Variants in PPP1R12B observed in about 807,000 individuals in gnomAD.
PPP1R12B encodes the protein myosin phosphatase target subunit 2.
PPP1R12B carries 76 observed loss-of-function variants against 126.1 expected under a neutral mutation model. The ratio of observed to expected loss-of-function variants is 0.60; its 90% CI spans 0.50 to 0.73. The LOEUF (loss-of-function observed/expected upper bound fraction) is 0.73. PPP1R12B is among the 30% of genes least tolerant of loss of function. PPP1R12B has a pLI of 0.00. For missense variants in PPP1R12B, 1,052 were observed against 1,205.1 expected (o/e 0.87, Z 1.88); for synonymous variants, 356 against 434.7 (o/e 0.82, Z 2.25).
At chr1:202,553,303 G>C (rs1392147123) in intron 18 of PPP1R12B, among the ~76,000 whole-genome samples, 1 of 152,148 alleles carries the variant, frequency 6.6e-6, no homozygotes, top group Non-Finnish European at 1.5e-5. Flanking sequence ...GGCCATAAAA[G>C]CTGTGAAAGT....
At chr1:202,435,336 C>T (rs1415465586) in intron 9 of PPP1R12B, among the ~76,000 whole-genome samples, 1 of 152,128 alleles carries the variant, frequency 6.6e-6, no homozygotes, top group Non-Finnish European at 1.5e-5. Flanking sequence ...TAGTCTGAGA[C>T]CAAAGAGATT....
intron 18 of PPP1R12B, among the ~76,000 whole-genome samples, chr1:202,538,145 C>A (rs1051455938): frequency 3.3e-5 from 5 of 152,196 alleles, no homozygotes; most frequent in African/African-American, 7.2e-5. Flanking sequence ...AGGTGCCCCC[C>A]ACAATGCCTG....
At chr1:202,445,106 A>G (rs962005742) in intron 12 of PPP1R12B, 65 of 1,247,038 alleles carry the variant, frequency 5.2e-5, no homozygotes, top group Non-Finnish European at 6.2e-5. Context: ...ATCGCAATTC[A>G]TCTCCTGCTA....
chr1:202,510,313 C>G (rs1022412710), intron 18 of PPP1R12B, among the ~76,000 whole-genome samples: 9 of 152,160 alleles, frequency 5.9e-5, no homozygotes, highest in African/African-American at 1.9e-4. Flanking sequence ...GTAGCAATCA[C>G]TGGGGTTATT....
chr1:202,576,011 C>T (rs932743843), intron 23 of PPP1R12B: 4 of 152,248 alleles, frequency 2.6e-5, no homozygotes, highest in African/African-American at 9.6e-5. Context: ...CTTCTCCCAC[C>T]TTAGGAGGCA....
intron 2 of PPP1R12B, among the ~76,000 whole-genome samples, chr1:202,418,723 A>G (rs1668401500): frequency 6.6e-6 from 1 of 151,726 alleles, no homozygotes; most frequent in Non-Finnish European, 1.5e-5. Flanking sequence ...TCTTTATTTT[A>G]TTTTTCACTA....
At chr1:202,465,293 A>T in intron 13 of PPP1R12B, among the ~76,000 whole-genome samples, 1 of 152,296 alleles carries the variant, frequency 6.6e-6, no homozygotes, top group Middle Eastern at 3.4e-3. Flanking sequence ...CCAAGGGGTC[A>T]GTCTTCACTG....
At chr1:202,431,684 C>T (rs777156068) in intron 8 of PPP1R12B, 65 bp downstream of exon 8, 30 of 1,471,566 alleles carry the variant, frequency 2.0e-5, no homozygotes, top group Non-Finnish European at 2.6e-5. Flanking sequence ...TACTCCTTGT[C>T]AGAGAGCTAG....
intron 1 of PPP1R12B, among the ~76,000 whole-genome samples, chr1:202,401,278 C>T (rs1045823330): frequency 5.9e-5 from 9 of 151,344 alleles, no homozygotes; most frequent in Non-Finnish European, 1.0e-4. Context: ...CAGTTTTGAC[C>T]TCCTGGGTTT....
At chr1:202,362,393 A>G (rs904500421) in intron 1 of PPP1R12B, among the ~76,000 whole-genome samples, 1 of 152,190 alleles carries the variant, frequency 6.6e-6, no homozygotes, top group Non-Finnish European at 1.5e-5. Context: ...TCCATCTGTT[A>G]AGAATCATTT....
chr1:202,404,695 G>T (rs1169037128), intron 1 of PPP1R12B, among the ~76,000 whole-genome samples: 1 of 151,978 alleles, frequency 6.6e-6, no homozygotes, highest in Non-Finnish European at 1.5e-5. Flanking sequence ...TAGAGACGGG[G>T]TTTCACTGTG....
chr1:202,499,477 A>G (rs563934659), intron 18 of PPP1R12B, among the ~76,000 whole-genome samples: 66 of 152,132 alleles, frequency 4.3e-4, no homozygotes, highest in African/African-American at 1.5e-3. Context: ...CTGGTCTCGA[A>G]CTCCTGGGCT....
intron 21 of PPP1R12B, 91 bp from the exon 22 acceptor site, chr1:202,567,687 A>T: frequency 7.4e-7 from 1 of 1,356,930 alleles, no homozygotes; most frequent in Non-Finnish European, 1.0e-6. Context: ...GTTTATTTCT[A>T]GATGTCTAGT....
intron 11 of PPP1R12B, 49 bp downstream of exon 11, chr1:202,440,837 T>G (rs1418869390): frequency 6.8e-7 from 1 of 1,461,886 alleles, no homozygotes; most frequent in East Asian, 2.3e-5. Flanking sequence ...TTAGGTCTAC[T>G]GGACATAGTC....
rs184945502 is a variant in PPP1R12B at position 202,516,271 on chromosome 1, G to A, written c.2490+19449G>A. 7.8e-4 allele frequency among the ~76,000 whole-genome samples: 119 copies of A among 152,300 alleles called. 1 individual carries two copies. The highest frequency in any genetic ancestry group is 2.7e-3 in the African/African-American group (111 of 41,566). On this transcript the variant is annotated intron_variant, in intron 18 of 23. Coordinates refer to ENST00000608999, the MANE Select transcript of PPP1R12B (RefSeq NM_002481.4). ...GCAGCTACCACTTGTTATAGGGGTA[G>A]GGTTAGGAGAGGGTCAGCTACATGG...
intron 10 of PPP1R12B, chr1:202,438,395 C>T (rs1204471377): frequency 4.8e-6 from 3 of 625,196 alleles, no homozygotes; most frequent in Non-Finnish European, 7.9e-6. Flanking sequence ...CCCCCAGCGG[C>T]ATGGCTTCGT....
At chr1:202,442,738 T>A (rs1558234165) in intron 12 of PPP1R12B, among the ~76,000 whole-genome samples, 166 bp downstream of exon 12, 1 of 152,222 alleles carries the variant, frequency 6.6e-6, no homozygotes, top group Non-Finnish European at 1.5e-5. Context: ...AAATTTATTA[T>A]CTTAATAATT....
chr1:202,358,625 T>G (rs1449993405), intron 1 of PPP1R12B, among the ~76,000 whole-genome samples: 9 of 148,350 alleles, frequency 6.1e-5, no homozygotes, highest in African/African-American at 2.3e-4. Context: ...GAGGTTGCAG[T>G]GAGCCAAGGT....
At chr1:202,538,651 T>C (rs2148956947) in intron 18 of PPP1R12B, among the ~76,000 whole-genome samples, 1 of 152,366 alleles carries the variant, frequency 6.6e-6, no homozygotes, top group East Asian at 1.9e-4. Flanking sequence ...GGGTTGTTAC[T>C]TTGGGGATAA....
Sources: allele counts gnomAD v4.1 joint callset (sites outside exome capture counted in the v4.1 genomes callset), GRCh38; gene constraint gnomAD v4.1.1; transcripts MANE v1.5; gene names NCBI Gene and HGNC (gene_info 2026-07-23, HGNC 2026-07-21).